CHAF1B: variants seen among roughly 807,000 people sequenced by gnomAD.
The protein encoded by CHAF1B is chromatin assembly factor 1 subunit B.
CHAF1B carries 10 observed loss-of-function variants against 60.7 expected under a neutral mutation model. The observed-to-expected ratio is 0.16, with a 90% CI of 0.10 to 0.28. CHAF1B has a LOEUF of 0.28. Among genes scored for constraint, CHAF1B ranks in the 10% least tolerant of loss-of-function variants. The pLI is 1.00. For missense variants in CHAF1B, 558 were observed against 708.4 expected, an observed-to-expected ratio of 0.79 and a Z score of 2.41; for synonymous variants, 261 against 266.1, an observed-to-expected ratio of 0.98 and a Z score of 0.19.
intron 12 of CHAF1B, among the ~76,000 whole-genome samples, chr21:36,414,196 A>G (rs1304381226): frequency 6.6e-6 from 1 of 152,170 alleles, no homozygotes; most frequent in Non-Finnish European, 1.5e-5. Context: ...CTGATCCTGT[A>G]TAGTTCCTTC....
At chr21:36,404,096 C>CTTTTTTT (rs938306527) in intron 8 of CHAF1B, among the ~76,000 whole-genome samples, 1 of 129,752 alleles carries the variant, frequency 7.7e-6, no homozygotes, top group Non-Finnish European at 1.6e-5. Flanking sequence ...GTAATAAATC[C>CTTTTTTT]TTTTTTTTTT....
At chr21:36,406,958 C>G (rs1158903768) in intron 8 of CHAF1B, among the ~76,000 whole-genome samples, 1 of 152,110 alleles carries the variant, frequency 6.6e-6, no homozygotes, top group Non-Finnish European at 1.5e-5. Context: ...ATAGAAAACT[C>G]TTGTAAGGAA....
At position 36,417,974 on chromosome 21, in the gene CHAF1B, C is replaced by T. The variant is rs2086331186; in HGVS notation, c.*1608C>T. ...AGAAATCTAAGGGAAAAAACTTTCC[C>T]TGGATACGGTCTGTTCTGGTTAAAT... On this transcript the variant is annotated 3_prime_UTR_variant, in exon 14 of 14. Transcript: ENST00000314103. The T allele has an allele frequency of 1.3e-5, 2 of 152,040 alleles. No individual in the cohort carries two copies. Among genetic ancestry groups the T allele is most frequent in the Admixed American group, 1.3e-4 (2 of 15,260 alleles). The allele number at this position is 152,040 out of a possible 1,614,324, so 9.4% of individuals were successfully genotyped here.
chr21:36,402,396 A>C (rs2086198200), intron 7 of CHAF1B, among the ~76,000 whole-genome samples: 1 of 152,218 alleles, frequency 6.6e-6, no homozygotes, highest in South Asian at 2.1e-4. Flanking sequence ...ACTGTCTGCC[A>C]GTCTCAGGCC....
At chr21:36,389,291 G>A (rs1446694173) in intron 3 of CHAF1B, among the ~76,000 whole-genome samples, 1 of 152,074 alleles carries the variant, frequency 6.6e-6, no homozygotes, top group Non-Finnish European at 1.5e-5. Flanking sequence ...GTGCTTAAAT[G>A]GGATAAAACT....
intron 7 of CHAF1B, among the ~76,000 whole-genome samples, chr21:36,401,362 T>C (rs1442559127): frequency 7.1e-6 from 1 of 140,840 alleles, no homozygotes; most frequent in Non-Finnish European, 1.5e-5. Flanking sequence ...AATATATTTT[T>C]ATATTATACA....
intron 3 of CHAF1B, among the ~76,000 whole-genome samples, chr21:36,389,604 C>CA (rs745521824): frequency 0.06 from 4,424 of 73,328 alleles, 87 homozygotes; most frequent in Non-Finnish European, 0.072. Flanking sequence ...GAGTCTGTCT[C>CA]AAAAAAAAAA....
intron 8 of CHAF1B, among the ~76,000 whole-genome samples, chr21:36,404,096 CT>C (rs938306527): frequency 0.022 from 2,912 of 129,706 alleles, 20 homozygotes; most frequent in Admixed American, 0.038. Flanking sequence ...GTAATAAATC[CT>C]TTTTTTTTTT....
At chr21:36,387,219 G>GTTTTTTTTTTTTT (rs1471540790) in intron 2 of CHAF1B, among the ~76,000 whole-genome samples, 2 of 141,316 alleles carry the variant, frequency 1.4e-5, no homozygotes, top group African/African-American at 2.7e-5. Flanking sequence ...AATAAGCATA[G>GTTTTTTTTTTTTT]TTTTGTTTTT....
intron 12 of CHAF1B, 87 bp downstream of exon 12, chr21:36,413,402 C>T: frequency 7.6e-7 from 1 of 1,316,666 alleles, no homozygotes; most frequent in South Asian, 1.5e-5. Flanking sequence ...GGTGAAATTT[C>T]AGGCGGTGAA....
chr21:36,392,424 CAGTG>C (rs1397047827), intron 4 of CHAF1B, among the ~76,000 whole-genome samples: 1 of 151,942 alleles, frequency 6.6e-6, no homozygotes, highest in Non-Finnish European at 1.5e-5. Context: ...GGCCCGTTCT[CAGTG>C]AGCTGTTGGG....
intron 6 of CHAF1B, among the ~76,000 whole-genome samples, chr21:36,399,127 C>T (rs373893737): frequency 2.6e-5 from 4 of 151,654 alleles, no homozygotes; most frequent in Admixed American, 6.6e-5. Context: ...CTCTGCCTCC[C>T]GGGTTCAAGT....
chr21:36,392,232 G>T (rs1259394152), intron 4 of CHAF1B, among the ~76,000 whole-genome samples: 1 of 152,046 alleles, frequency 6.6e-6, no homozygotes, highest in African/African-American at 2.4e-5. Context: ...CAGAGAGCAG[G>T]GGGTTGGGGG....
In CHAF1B at chr21:36,386,635, A is replaced by G. The variant is rs1303937348; in HGVS notation, c.126+373A>G. 2.6e-5 allele frequency among the ~76,000 whole-genome samples: 4 copies of G among 152,130 alleles called. No homozygotes were observed. The East Asian group carries it at 7.7e-4, about 29-fold the overall frequency. The stretch of plus-strand genomic sequence containing the variant: ...TGAATGAATTAACGTATGTCAACAA[A>G]CTAAACTACTTTGTCATCTAGCCCA... On this transcript the variant is annotated intron_variant, in intron 2 of 13. Transcript: ENST00000314103.
chr21:36,387,529 T>G (rs557313510), intron 2 of CHAF1B, 69 bp from the exon 3 acceptor site: 133 of 1,575,262 alleles, frequency 8.4e-5, no homozygotes, highest in South Asian at 7.0e-4. Context: ...CCCATAGTAT[T>G]GTTTTAATAC....
intron 5 of CHAF1B, among the ~76,000 whole-genome samples, chr21:36,396,671 A>G (rs1380812949): frequency 6.6e-6 from 1 of 151,888 alleles, no homozygotes; most frequent in Non-Finnish European, 1.5e-5. Context: ...AAAGAAAAAA[A>G]AAAAGGAATG....
intron 5 of CHAF1B, among the ~76,000 whole-genome samples, chr21:36,396,182 A>T (rs8127381): frequency 0.36 from 53,923 of 150,324 alleles, 12,144 homozygotes; most frequent in African/African-American, 0.64. Context: ...GTATTTTTAG[A>T]AGAGATGGGG....
intron 5 of CHAF1B, among the ~76,000 whole-genome samples, chr21:36,395,317 G>A (rs745524676): frequency 1.3e-5 from 2 of 152,204 alleles, no homozygotes; most frequent in East Asian, 3.8e-4. Flanking sequence ...CAAAGTGCTG[G>A]GATTACAGGC....
At chr21:36,396,414 C>T (rs1359689768) in intron 5 of CHAF1B, among the ~76,000 whole-genome samples, 1 of 149,018 alleles carries the variant, frequency 6.7e-6, no homozygotes, top group Non-Finnish European at 1.5e-5. Context: ...TGGCTCAGGC[C>T]TGTAATCCCA....
Sources: gnomAD v4.1 joint callset for allele counts (sites outside exome capture counted in the v4.1 genomes callset) on GRCh38, gnomAD v4.1.1 for gene constraint, MANE v1.5 for transcripts, NCBI Gene and HGNC (gene_info 2026-07-23, HGNC 2026-07-21) for gene names.